Variants in TOX observed in about 807,000 individuals in gnomAD.
TOX encodes the protein thymocyte selection associated high mobility group box, also known as thymocyte selection-associated high mobility group box protein TOX.
Under a neutral mutation model 53.7 loss-of-function variants are expected in TOX, and 11 were observed. The ratio of observed to expected loss-of-function variants is 0.20; its 90% CI spans 0.13 to 0.34. The LOEUF is 0.34. Among genes scored for constraint, TOX ranks in the 10% least tolerant of loss-of-function variants. The pLI is 1.00. For synonymous variants in TOX, 225 were observed against 245.3 expected, an observed-to-expected ratio of 0.92 and a Z score of 0.77; for missense variants, 570 against 664.6, an observed-to-expected ratio of 0.86 and a Z score of 1.56.
At chr8:59,107,050 G>GGGA (rs111984939) in intron 1 of TOX, among the ~76,000 whole-genome samples, 1 of 132,488 alleles carries the variant, frequency 7.5e-6, no homozygotes, top group East Asian at 2.7e-4. Flanking sequence ...GTTTGCTGGG[G>GGGA]GGGGGGGGAA....
At position 58,838,293 on chromosome 8, in the gene TOX, G is replaced by C. The variant is rs1023235617; in HGVS notation, c.712C>G (p.Arg238Gly). ...TTTTTCCCCATATCAGAGGCAGGCCGCTTCTCTCCACCATTGATCTGAAAG... is the reference window on the plus strand; with the variant it reads ...TTTTTCCCCATATCAGAGGCAGGCCCCTTCTCTCCACCATTGATCTGAAAG... ...DTSKINGGEKRPASDMGKKPK... is the reference protein window; with the variant it reads ...DTSKINGGEKGPASDMGKKPK... The change falls in exon 5 of 9, where the codon CGG (arginine) becomes GGG (glycine). Residue 238 changes from arginine to glycine, a missense_variant. This residue lies in a region of TOX where 282 missense variants were observed against 315.0 expected (regional missense o/e 0.90). Coordinates refer to ENST00000361421, the MANE Select transcript of TOX (RefSeq NM_014729.3). 6.2e-7 allele frequency: 1 copy of C among 1,613,298 alleles called. No individual in the cohort carries two copies. The highest frequency in any genetic ancestry group is 1.3e-5 in the African/African-American group (1 of 74,938).
chr8:59,090,161 G>A (rs1804585975), intron 1 of TOX, among the ~76,000 whole-genome samples: 2 of 152,206 alleles, frequency 1.3e-5, no homozygotes, highest in South Asian at 2.1e-4. Flanking sequence ...GTTTCTAAGA[G>A]GAGAGTAGTG....
At chr8:59,066,002 A>C (rs997060674) in intron 1 of TOX, among the ~76,000 whole-genome samples, 1 of 152,204 alleles carries the variant, frequency 6.6e-6, no homozygotes, top group African/African-American at 2.4e-5. Flanking sequence ...AATAGACAAA[A>C]GATGTCCAAA....
chr8:59,090,044 T>C (rs1563442965), intron 1 of TOX, among the ~76,000 whole-genome samples: 1 of 152,242 alleles, frequency 6.6e-6, no homozygotes, highest in Non-Finnish European at 1.5e-5. Flanking sequence ...TATGGCAAGA[T>C]ACAAAACCAT....
At chr8:59,082,327 G>A (rs1212672488) in intron 1 of TOX, among the ~76,000 whole-genome samples, 1 of 152,214 alleles carries the variant, frequency 6.6e-6, no homozygotes, top group African/African-American at 2.4e-5. Flanking sequence ...TCTGGACATT[G>A]AAAGCCAAGT....
chr8:58,969,609 C>T (rs762165172), intron 1 of TOX, among the ~76,000 whole-genome samples: 9 of 152,150 alleles, frequency 5.9e-5, no homozygotes, highest in Non-Finnish European at 8.8e-5. Flanking sequence ...AGGCTTCACA[C>T]ATAAGATGTC....
chr8:59,023,446 G>A (rs1814175275), intron 1 of TOX, among the ~76,000 whole-genome samples: 1 of 152,118 alleles, frequency 6.6e-6, no homozygotes, highest in Admixed American at 6.6e-5. Context: ...AGTTGGAGAA[G>A]GCAACTCTGA....
At chr8:58,989,781 A>C (rs1813406261) in intron 1 of TOX, among the ~76,000 whole-genome samples, 2 of 152,254 alleles carry the variant, frequency 1.3e-5, no homozygotes, top group Non-Finnish European at 2.9e-5. Flanking sequence ...TGAACTAAAA[A>C]GAGTGACAGC....
intron 1 of TOX, among the ~76,000 whole-genome samples, chr8:59,000,149 TA>T (rs202098187): frequency 1.6e-3 from 249 of 152,166 alleles, no homozygotes; most frequent in Admixed American, 8.0e-3. Flanking sequence ...ATGTACAGGG[TA>T]AAAGAGGAGG....
At chr8:58,841,216 G>A (rs1194211277) in intron 4 of TOX, among the ~76,000 whole-genome samples, 1 of 152,084 alleles carries the variant, frequency 6.6e-6, no homozygotes, top group African/African-American at 2.4e-5. Flanking sequence ...AGCTTATTTA[G>A]CTCTGTATAT....
chr8:59,108,051 C>G (rs994297354), intron 1 of TOX, among the ~76,000 whole-genome samples: 1 of 152,168 alleles, frequency 6.6e-6, no homozygotes, highest in Non-Finnish European at 1.5e-5. Context: ...CAAAGTACTC[C>G]TATTCATTTA....
At chr8:59,096,756 A>C (rs1436003712) in intron 1 of TOX, among the ~76,000 whole-genome samples, 1 of 152,106 alleles carries the variant, frequency 6.6e-6, no homozygotes, top group African/African-American at 2.4e-5. Flanking sequence ...AGTGTGGGGG[A>C]AGCATAGCTA....
intron 5 of TOX, among the ~76,000 whole-genome samples, chr8:58,834,170 A>G (rs1563365365): frequency 6.6e-6 from 1 of 152,032 alleles, no homozygotes; most frequent in Non-Finnish European, 1.5e-5. Flanking sequence ...AAATATTGTA[A>G]TTTTCTGAGG....
chr8:59,100,775 A>G (rs1000979179), intron 1 of TOX, among the ~76,000 whole-genome samples: 2 of 152,218 alleles, frequency 1.3e-5, no homozygotes, highest in African/African-American at 4.8e-5. Flanking sequence ...CTTCATACAT[A>G]AAAATAGTAT....
At chr8:58,885,284 C>T (rs1301562646) in intron 3 of TOX, among the ~76,000 whole-genome samples, 1 of 152,056 alleles carries the variant, frequency 6.6e-6, no homozygotes, top group African/African-American at 2.4e-5. Context: ...AAATAAATCA[C>T]CTTAATGTAT....
At chr8:59,050,606 A>G (rs897221692) in intron 1 of TOX, among the ~76,000 whole-genome samples, 21 of 152,110 alleles carry the variant, frequency 1.4e-4, no homozygotes, top group Non-Finnish European at 5.9e-5. Flanking sequence ...AAGGAGGAAA[A>G]GTCCATACTT....
At chr8:58,848,904 A>G (rs990614516) in intron 4 of TOX, among the ~76,000 whole-genome samples, 1 of 152,090 alleles carries the variant, frequency 6.6e-6, no homozygotes, top group Non-Finnish European at 1.5e-5. Flanking sequence ...GGAAAGCTTT[A>G]AAAGCTTTTT....
chr8:58,908,471 C>A (rs1563386201), intron 3 of TOX, among the ~76,000 whole-genome samples: 1 of 152,186 alleles, frequency 6.6e-6, no homozygotes, highest in Non-Finnish European at 1.5e-5. Flanking sequence ...TGAAAGCTGG[C>A]CCTTCATGTT....
chr8:58,924,564 C>T (rs1812122978), intron 3 of TOX, among the ~76,000 whole-genome samples: 1 of 152,226 alleles, frequency 6.6e-6, no homozygotes, highest in Non-Finnish European at 1.5e-5. Flanking sequence ...GCCCTTCAGG[C>T]ATGATTCTTC....
Sources: allele counts gnomAD v4.1 joint callset (sites outside exome capture counted in the v4.1 genomes callset), GRCh38; gene constraint gnomAD v4.1.1; regional missense constraint gnomAD v4.1.1; transcripts MANE v1.5; gene names NCBI Gene and HGNC (gene_info 2026-07-23, HGNC 2026-07-21).